The following PTPRD variants were observed in gnomAD, a reference collection of about 807,000 sequenced individuals.
The protein encoded by PTPRD is receptor-type tyrosine-protein phosphatase delta.
A neutral mutation model predicts 214.5 loss-of-function variants in PTPRD; 34 were observed. The ratio of observed to expected loss-of-function variants is 0.16; its 90% CI spans 0.12 to 0.21. The LOEUF is 0.21. Ranked by LOEUF, PTPRD falls within the 10% of genes least tolerant of loss-of-function variation. The probability of loss-of-function intolerance (pLI) is 1.00; values close to 1 mark genes in which losing one functional copy is unlikely to be tolerated. For synonymous variants in PTPRD, 1,128 were observed against 845.7 expected (o/e 1.33, Z -5.79); for missense variants, 2,545 against 2,398.7 (o/e 1.06, Z -1.27).
At chr9:8,363,700 C>A (rs1272060406) in intron 39 of PTPRD, among the ~76,000 whole-genome samples, 1 of 152,114 alleles carries the variant, frequency 6.6e-6, no homozygotes, top group African/African-American at 2.4e-5. Context: ...GACCAATGTC[C>A]TATTGGGGCT....
intron 7 of PTPRD, among the ~76,000 whole-genome samples, chr9:9,718,765 C>T (rs1294060085): frequency 6.6e-6 from 1 of 152,182 alleles, no homozygotes; most frequent in Non-Finnish European, 1.5e-5. Flanking sequence ...GCTGTCTTGG[C>T]CCCCTCTGGA....
chr9:10,579,797 C>A (rs1043375355), intron 2 of PTPRD, among the ~76,000 whole-genome samples: 1 of 152,022 alleles, frequency 6.6e-6, no homozygotes, highest in Non-Finnish European at 1.5e-5. Flanking sequence ...TTTTAATAGC[C>A]GTTCTAACTG....
intron 11 of PTPRD, among the ~76,000 whole-genome samples, chr9:8,947,097 T>C (rs1282504892): frequency 4.6e-5 from 7 of 151,132 alleles, no homozygotes; most frequent in Non-Finnish European, 8.8e-5. Flanking sequence ...CCTTTAAATG[T>C]TCTTTATTAT....
Position 8,627,201 on chromosome 9 carries a change from G to C in PTPRD, c.352+6116C>G, listed in dbSNP as rs184982818. ...ATCATGCTCATCTGTCGACATGTCA[G>C]CTGGAAGAACATTGTTCTTCCAGGA... On this transcript the variant is annotated intron_variant, in intron 14 of 45. Transcript: ENST00000381196. Among the ~76,000 whole-genome samples the C allele has an allele frequency of 2.5e-4, 38 of 151,888 alleles. 1 individual carries two copies. The East Asian group carries it at 7.2e-3, about 29-fold the overall frequency.
chr9:9,954,938 C>A (rs1200791586), intron 4 of PTPRD, among the ~76,000 whole-genome samples: 1 of 152,068 alleles, frequency 6.6e-6, no homozygotes, highest in Non-Finnish European at 1.5e-5. Context: ...TAATATTAAA[C>A]CTCTATTAAG....
intron 9 of PTPRD, among the ~76,000 whole-genome samples, chr9:9,281,878 T>C (rs940915138): frequency 2.0e-5 from 3 of 150,926 alleles, no homozygotes; most frequent in African/African-American, 4.9e-5. Flanking sequence ...GATGAATGGA[T>C]AAACTGTAGT....
intron 8 of PTPRD, among the ~76,000 whole-genome samples, chr9:9,438,880 A>T (rs939467107): frequency 6.6e-6 from 1 of 152,152 alleles, no homozygotes; most frequent in African/African-American, 2.4e-5. Flanking sequence ...GTTTATATAA[A>T]CTTTTCTATG....
At chr9:8,324,091 G>C (rs574258673) in intron 44 of PTPRD, among the ~76,000 whole-genome samples, 1 of 149,192 alleles carries the variant, frequency 6.7e-6, no homozygotes, top group African/African-American at 2.5e-5. Flanking sequence ...AGGCTCAGAT[G>C]ATGATTAGCA....
rs1323081382 is a variant in PTPRD at position 8,317,677 on chromosome 9, C to T, written c.*197G>A. The T allele has an allele frequency of 2.3e-6, 1 of 442,772 alleles. No homozygotes were observed. The highest frequency in any genetic ancestry group is 4.2e-6 in the Non-Finnish European group (1 of 239,770). 27.4% of individuals were successfully genotyped at this position (442,772 alleles called of 1,614,324 possible). ...AGTCAGGATTCTCTTCATTATTTTT[C>T]AGGTTAGATTATTAAACTGTGAATT... On this transcript the variant is annotated 3_prime_UTR_variant, in exon 46 of 46. Coordinates refer to ENST00000381196, the MANE Select transcript of PTPRD (RefSeq NM_002839.4).
chr9:9,975,383 A>C (rs1318329733), intron 4 of PTPRD, among the ~76,000 whole-genome samples: 3 of 152,182 alleles, frequency 2.0e-5, no homozygotes, highest in Admixed American at 2.0e-4. Flanking sequence ...AGAGCTTTTC[A>C]AAATTTAGTT....
intron 35 of PTPRD, among the ~76,000 whole-genome samples, chr9:8,420,841 CTG>C (rs2094311566): frequency 6.8e-6 from 1 of 147,836 alleles, no homozygotes; most frequent in Non-Finnish European, 1.5e-5. Context: ...TATAAAGACA[CTG>C]AGAGCGTAGG....
chr9:8,467,169 TA>T (rs2096561139), intron 31 of PTPRD, among the ~76,000 whole-genome samples: 1 of 151,890 alleles, frequency 6.6e-6, no homozygotes, highest in African/African-American at 2.4e-5. Context: ...TTGATGCAAT[TA>T]AAATTACATG....
intron 8 of PTPRD, among the ~76,000 whole-genome samples, chr9:9,562,912 C>G (rs1307034986): frequency 6.6e-6 from 1 of 152,090 alleles, no homozygotes; most frequent in Non-Finnish European, 1.5e-5. Flanking sequence ...TCCATGTGGG[C>G]AGACATCTTT....
At chr9:9,565,797 C>T (rs949905773) in intron 8 of PTPRD, among the ~76,000 whole-genome samples, 3 of 151,810 alleles carry the variant, frequency 2.0e-5, no homozygotes, top group Admixed American at 6.6e-5. Flanking sequence ...ACTTTGGCCC[C>T]GTTTCCTAGG....
At position 10,240,827 on chromosome 9, in the gene PTPRD, T is replaced by C. The variant is rs138585938; in HGVS notation, c.-545+100136A>G. 7.6e-3 allele frequency among the ~76,000 whole-genome samples: 1,151 copies of C among 151,956 alleles called. 13 individuals are homozygous for C. The highest frequency in any genetic ancestry group is 0.026 in the African/African-American group (1,078 of 41,548). On this transcript the variant is annotated intron_variant, in intron 3 of 45. Transcript: ENST00000381196. ...TCTCTTAGACAGGATTTTTGAATCA[T>C]GAACTACAAAATTAAATTAGAATCC...
intron 3 of PTPRD, among the ~76,000 whole-genome samples, chr9:10,192,445 GAAAAAAAAAAAAAA>G (rs552289562): frequency 4.1e-5 from 3 of 72,648 alleles, no homozygotes; most frequent in Admixed American, 3.1e-4. Flanking sequence ...CACGATCCAG[GAAAAAAAAAAAAAA>G]AAAAAAAAAA....
intron 9 of PTPRD, among the ~76,000 whole-genome samples, chr9:9,277,915 C>G (rs542211467): frequency 6.6e-6 from 1 of 151,464 alleles, no homozygotes; most frequent in East Asian, 2.0e-4. Flanking sequence ...CCTTCCAAAC[C>G]TGAGCCCAGT....
At chr9:9,625,487 C>T (rs777510117) in intron 7 of PTPRD, among the ~76,000 whole-genome samples, 42 of 152,206 alleles carry the variant, frequency 2.8e-4, no homozygotes, top group Non-Finnish European at 2.4e-4. Flanking sequence ...CCTGATTGGA[C>T]CGTACCACCC....
intron 2 of PTPRD, among the ~76,000 whole-genome samples, chr9:10,428,669 A>G (rs1053697146): frequency 2.0e-5 from 3 of 152,090 alleles, no homozygotes; most frequent in African/African-American, 7.2e-5. Flanking sequence ...AAGAATCAAA[A>G]TTACTCAGTT....
Sources: gnomAD v4.1 joint callset for allele counts (sites outside exome capture counted in the v4.1 genomes callset) on GRCh38, gnomAD v4.1.1 for gene constraint, MANE v1.5 for transcripts, NCBI Gene and HGNC (gene_info 2026-07-23, HGNC 2026-07-21) for gene names.